The following C10orf90 variants were observed in gnomAD, a reference collection of about 807,000 sequenced individuals.
C10orf90 encodes chromosome 10 open reading frame 90.
C10orf90 carries 56 observed loss-of-function variants against 62.5 expected under a neutral mutation model. That is an observed-to-expected ratio of 0.90 (90% CI 0.72 to 1.12). C10orf90 has a LOEUF of 1.12. Among genes scored for constraint, C10orf90 ranks in the 50% most tolerant of loss-of-function variants. The pLI, the probability that C10orf90 is intolerant of heterozygous loss-of-function variation, is 0.00. For synonymous variants in C10orf90, 386 were observed against 340.4 expected (o/e 1.13, Z -1.47); for missense variants, 970 against 880.4 (o/e 1.10, Z -1.29).
chr10:126,535,482 A>C (rs1591077684), intron 2 of C10orf90, among the ~76,000 whole-genome samples: 1 of 150,016 alleles, frequency 6.7e-6, no homozygotes. Context: ...ACGCCACTGC[A>C]CTCCAGCCTG....
intron 2 of C10orf90, among the ~76,000 whole-genome samples, chr10:126,634,209 T>C (rs753061373): frequency 9.4e-4 from 143 of 152,246 alleles, no homozygotes; most frequent in Non-Finnish European, 1.8e-3. Flanking sequence ...CTTCACAGTA[T>C]CCAAGAATCA....
At chr10:126,564,121 A>G (rs1328722777) in intron 2 of C10orf90, among the ~76,000 whole-genome samples, 1 of 152,152 alleles carries the variant, frequency 6.6e-6, no homozygotes, top group East Asian at 1.9e-4. Flanking sequence ...TTGGGGAGAC[A>G]TGGACCAGGA....
At chr10:126,455,270 T>C (rs370514858) in intron 7 of C10orf90, among the ~76,000 whole-genome samples, 5 of 152,134 alleles carry the variant, frequency 3.3e-5, no homozygotes, top group African/African-American at 1.2e-4. Flanking sequence ...CAATCATAGC[T>C]AAACTGCATG....
At chr10:126,507,411 A>T (rs997391735) in intron 3 of C10orf90, among the ~76,000 whole-genome samples, 3 of 151,344 alleles carry the variant, frequency 2.0e-5, no homozygotes, top group Non-Finnish European at 4.4e-5. Context: ...ATACCCAGAG[A>T]TGAGTGAAAA....
chr10:126,640,892 G>A (rs1846046458), intron 2 of C10orf90, among the ~76,000 whole-genome samples: 1 of 152,302 alleles, frequency 6.6e-6, no homozygotes, highest in Admixed American at 6.5e-5. Flanking sequence ...GATTGGAGAA[G>A]TTGCATTGAT....
At chr10:126,563,382 G>A (rs12765401) in intron 2 of C10orf90, among the ~76,000 whole-genome samples, 53,869 of 152,088 alleles carry the variant, frequency 0.35, 9,999 homozygotes, top group Non-Finnish European at 0.4. Context: ...CCCTGCCTTA[G>A]CTTGATCAGG....
At chr10:126,526,098 G>A (rs1460723461) in intron 2 of C10orf90, among the ~76,000 whole-genome samples, 1 of 151,532 alleles carries the variant, frequency 6.6e-6, no homozygotes, top group Non-Finnish European at 1.5e-5. Flanking sequence ...GGGCTCTCCA[G>A]AGAGGCCCCA....
At chr10:126,464,573 T>C in intron 5 of C10orf90, 123 bp downstream of exon 5, 1 of 1,101,296 alleles carries the variant, frequency 9.1e-7, no homozygotes, top group Non-Finnish European at 1.3e-6. Context: ...GCTCTCCCAG[T>C]TGGAGAAGGG....
At chr10:126,598,026 G>A (rs1845120504) in intron 2 of C10orf90, among the ~76,000 whole-genome samples, 1 of 152,116 alleles carries the variant, frequency 6.6e-6, no homozygotes, top group East Asian at 1.9e-4. Context: ...ATAAGACCTG[G>A]CCAAATGCCT....
In C10orf90 at chr10:126,552,590, TCACC is replaced by T. The variant is rs536384182; in HGVS notation, c.314-38655_314-38652del. 2.6e-4 allele frequency among the ~76,000 whole-genome samples: 39 copies of T among 152,324 alleles called. No homozygotes were observed. In the South Asian group the frequency reaches 8.1e-3, roughly 32 times the overall value. Reference sequence around the variant, plus strand: ...GGAGACGCTGTCTTATAAAGGATACTCACCCAAGATGCTATGCCATCCCCACCAC... The same window carrying T: ...GGAGACGCTGTCTTATAAAGGATACTCAAGATGCTATGCCATCCCCACCAC... On this transcript the variant is annotated intron_variant, in intron 2 of 9. Coordinates refer to ENST00000488181, the MANE Select transcript of C10orf90 (RefSeq NM_001350921.2).
intron 4 of C10orf90, among the ~76,000 whole-genome samples, chr10:126,473,093 T>C (rs1039941745): frequency 6.6e-5 from 10 of 152,196 alleles, no homozygotes; most frequent in Non-Finnish European, 1.2e-4. Flanking sequence ...ACAAAATTCC[T>C]GCCCTCATGC....
intron 1 of C10orf90, among the ~76,000 whole-genome samples, chr10:126,659,739 T>G (rs934827670): frequency 6.6e-6 from 1 of 152,236 alleles, no homozygotes; most frequent in African/African-American, 2.4e-5. Context: ...TGTTACCTGT[T>G]TGTCCATCTG....
intron 2 of C10orf90, among the ~76,000 whole-genome samples, chr10:126,516,274 G>A (rs1863433621): frequency 6.6e-6 from 1 of 152,198 alleles, no homozygotes; most frequent in Admixed American, 6.5e-5. Flanking sequence ...TTCGGGCAGG[G>A]TGGGGTGTGG....
chr10:126,628,831 T>C (rs1845797965), intron 2 of C10orf90, among the ~76,000 whole-genome samples: 1 of 152,188 alleles, frequency 6.6e-6, no homozygotes, highest in Non-Finnish European at 1.5e-5. Flanking sequence ...TGTTCCTCAC[T>C]GGCAGGAGTG....
chr10:126,535,112 T>A (rs2133960202), intron 2 of C10orf90, among the ~76,000 whole-genome samples: 1 of 152,212 alleles, frequency 6.6e-6, no homozygotes, highest in South Asian at 2.1e-4. Context: ...GTAGCAGGGA[T>A]TCTGATAAAT....
chr10:126,466,058 T>C (rs1466170525), intron 4 of C10orf90, among the ~76,000 whole-genome samples: 2 of 152,118 alleles, frequency 1.3e-5, no homozygotes, highest in Non-Finnish European at 2.9e-5. Context: ...CTCTTTTATT[T>C]TGGAATGCCC....
intron 2 of C10orf90, among the ~76,000 whole-genome samples, chr10:126,515,628 C>A (rs1863399221): frequency 1.3e-5 from 2 of 152,184 alleles, no homozygotes; most frequent in South Asian, 2.1e-4. Flanking sequence ...CCAACAAAAT[C>A]CTCCAACCAC....
At chr10:126,469,559 G>A (rs187356412) in intron 4 of C10orf90, among the ~76,000 whole-genome samples, 2 of 152,186 alleles carry the variant, frequency 1.3e-5, no homozygotes, top group Non-Finnish European at 2.9e-5. Flanking sequence ...CCAAGCTTGT[G>A]TCATTGTCTC....
intron 2 of C10orf90, among the ~76,000 whole-genome samples, chr10:126,568,178 T>C (rs1161469939): frequency 6.6e-6 from 1 of 152,132 alleles, no homozygotes; most frequent in Non-Finnish European, 1.5e-5. Context: ...AGCACATGTT[T>C]ATAACTCACA....
Sources: gnomAD v4.1 joint callset for allele counts (sites outside exome capture counted in the v4.1 genomes callset) on GRCh38, gnomAD v4.1.1 for gene constraint, MANE v1.5 for transcripts, NCBI Gene and HGNC (gene_info 2026-07-23, HGNC 2026-07-21) for gene names.